Variants in NKAIN3 observed in about 807,000 individuals in gnomAD.
NKAIN3 encodes the protein sodium/potassium-transporting ATPase subunit beta-1-interacting protein 3.
In NKAIN3, 25 loss-of-function variants were observed where a neutral mutation model predicts 30.2. That is an observed-to-expected ratio of 0.83 (90% confidence interval 0.60 to 1.16). The LOEUF (loss-of-function observed/expected upper bound fraction) is 1.16, where lower values mean the gene tolerates loss of function less well. Ranked by LOEUF, NKAIN3 falls within the 50% of genes most tolerant of loss-of-function variation. The pLI, the probability that NKAIN3 is intolerant of heterozygous loss-of-function variation, is 0.00. For missense variants in NKAIN3, 225 were observed against 254.1 expected (o/e 0.89, Z 0.78); for synonymous variants, 91 against 89.6 (o/e 1.02, Z -0.09).
chr8:62,562,737 G>A (rs922203914), intron 1 of NKAIN3, among the ~76,000 whole-genome samples: 2 of 152,046 alleles, frequency 1.3e-5, no homozygotes, highest in Admixed American at 6.6e-5. Flanking sequence ...ACTTTCACAC[G>A]TACAAGGGGT....
intron 1 of NKAIN3, among the ~76,000 whole-genome samples, chr8:62,293,022 T>G (rs1196735225): frequency 6.6e-6 from 1 of 152,232 alleles, no homozygotes; most frequent in African/African-American, 2.4e-5. Context: ...TTGATCAAAT[T>G]GGCTACTGAA....
intron 4 of NKAIN3, among the ~76,000 whole-genome samples, chr8:62,834,475 A>C (rs1013479335): frequency 2.0e-5 from 3 of 152,152 alleles, no homozygotes; most frequent in Admixed American, 2.0e-4. Context: ...GAGTTCAGTA[A>C]AGTTTTAGGA....
At position 62,583,810 on chromosome 8, in the gene NKAIN3, A is replaced by T. The variant is rs77107444; in HGVS notation, c.192+4134A>T. On this transcript the variant is annotated intron_variant, in intron 2 of 6. Transcript: ENST00000623646. Reference sequence around the variant, plus strand: ...TATTGTTACCTTTATGAAGCTCCAGATTACGTCTTATTCTAATATGGGTAT... The same window carrying T: ...TATTGTTACCTTTATGAAGCTCCAGTTTACGTCTTATTCTAATATGGGTAT... Among the ~76,000 whole-genome samples the T allele has an allele frequency of 2.5e-3, 384 of 152,316 alleles. 6 individuals are homozygous for T. In the East Asian group the frequency reaches 0.043, roughly 17 times the overall value.
chr8:62,913,339 G>T (rs1244167173), intron 4 of NKAIN3, among the ~76,000 whole-genome samples: 1 of 152,194 alleles, frequency 6.6e-6, no homozygotes, highest in Non-Finnish European at 1.5e-5. Context: ...ACAAATATGT[G>T]AGTGTTGCAT....
At chr8:62,421,636 C>A (rs192341147) in intron 1 of NKAIN3, among the ~76,000 whole-genome samples, 84 of 152,078 alleles carry the variant, frequency 5.5e-4, no homozygotes, top group Non-Finnish European at 1.1e-3. Flanking sequence ...CTCTCTCTCT[C>A]TCTGTATACA....
intron 3 of NKAIN3, among the ~76,000 whole-genome samples, chr8:62,639,162 G>C (rs28407937): frequency 0.02 from 3,082 of 152,218 alleles, 88 homozygotes; most frequent in African/African-American, 0.069. Context: ...AGAATAGAAG[G>C]GGACCAATGT....
In NKAIN3 at chr8:62,965,512, T is replaced by C; in HGVS notation, c.*105T>C. 1.0e-6 allele frequency: 1 copy of C among 985,532 alleles called. No homozygotes were observed. Among genetic ancestry groups the C allele is most frequent in the Non-Finnish European group, 1.2e-6 (1 of 829,870 alleles). 61.0% of individuals were successfully genotyped at this position (985,532 alleles called of 1,614,324 possible). ...TGGCTTTCCCACGAATCATGGAGCA[T>C]TTTGGTCACAGCCTTTGTATTATTA... On this transcript the variant is annotated 3_prime_UTR_variant, in exon 7 of 7. Transcript: ENST00000623646.
chr8:62,702,161 T>C (rs1814359861), intron 3 of NKAIN3, among the ~76,000 whole-genome samples: 1 of 152,200 alleles, frequency 6.6e-6, no homozygotes, highest in Non-Finnish European at 1.5e-5. Flanking sequence ...CGGGTAAATA[T>C]ATAGTATCTA....
intron 4 of NKAIN3, among the ~76,000 whole-genome samples, chr8:62,800,920 G>A (rs1818037028): frequency 6.6e-6 from 1 of 152,206 alleles, no homozygotes; most frequent in Non-Finnish European, 1.5e-5. Flanking sequence ...CCCTAATACT[G>A]CGCTTTTCCA....
intron 1 of NKAIN3, among the ~76,000 whole-genome samples, chr8:62,374,125 A>G (rs111661519): frequency 0.13 from 19,615 of 148,120 alleles, 1,606 homozygotes; most frequent in East Asian, 0.39. Context: ...AAAAAAAAAA[A>G]AAAAAAAAAA....
At chr8:62,949,321 C>T (rs571343237) in intron 5 of NKAIN3, among the ~76,000 whole-genome samples, 14 of 152,200 alleles carry the variant, frequency 9.2e-5, no homozygotes, top group African/African-American at 3.4e-4. Context: ...ATTTGTGTGT[C>T]CCATAAACAA....
intron 4 of NKAIN3, among the ~76,000 whole-genome samples, chr8:62,768,420 T>C (rs567902689): frequency 5.3e-5 from 8 of 152,272 alleles, no homozygotes; most frequent in Non-Finnish European, 1.0e-4. Context: ...TGCTTAATGA[T>C]AAATTAGGCT....
intron 3 of NKAIN3, among the ~76,000 whole-genome samples, chr8:62,613,877 C>T (rs903741228): frequency 6.6e-6 from 1 of 152,032 alleles, no homozygotes; most frequent in African/African-American, 2.4e-5. Flanking sequence ...TTAATTATTT[C>T]AATCACTTTG....
In NKAIN3 at chr8:62,297,295, C is replaced by T. The variant is rs548553678; in HGVS notation, c.54+48168C>T. ...TTCATGTCTAAAACACCAAAAGCAA[C>T]GGCAACAAAAGCCAAAATTGACAAA... On this transcript the variant is annotated intron_variant, in intron 1 of 6. Transcript: ENST00000623646. Among the ~76,000 whole-genome samples, 1,036 of 152,046 alleles carry T rather than the reference C, an allele frequency of 6.8e-3. 4 individuals are homozygous for T. The highest frequency in any genetic ancestry group is 0.023 in the African/African-American group (937 of 41,456).
chr8:62,819,704 A>G (rs914245301), intron 4 of NKAIN3, among the ~76,000 whole-genome samples: 6 of 139,772 alleles, frequency 4.3e-5, no homozygotes, highest in East Asian at 1.9e-4. Flanking sequence ...AATTACTGGG[A>G]AAAAAAAATC....
At chr8:62,750,291 G>A (rs1816234833) in intron 4 of NKAIN3, among the ~76,000 whole-genome samples, 2 of 152,166 alleles carry the variant, frequency 1.3e-5, no homozygotes, top group South Asian at 4.1e-4. Context: ...GAATGAGAGG[G>A]AAGTATTTGA....
At chr8:62,938,089 G>A (rs1476909112) in intron 5 of NKAIN3, among the ~76,000 whole-genome samples, 5 of 152,034 alleles carry the variant, frequency 3.3e-5, no homozygotes, top group Non-Finnish European at 7.4e-5. Flanking sequence ...GCCTAACCCT[G>A]CCACCACCTA....
At chr8:62,762,232 C>A (rs1356183658) in intron 4 of NKAIN3, among the ~76,000 whole-genome samples, 8 of 151,932 alleles carry the variant, frequency 5.3e-5, no homozygotes, top group African/African-American at 1.9e-4. Flanking sequence ...AGAAGAATAG[C>A]TGGAACCCAG....
At chr8:62,464,113 T>G (rs4520152) in intron 1 of NKAIN3, among the ~76,000 whole-genome samples, 2 of 152,094 alleles carry the variant, frequency 1.3e-5, no homozygotes, top group African/African-American at 4.8e-5. Context: ...CAAATGTACC[T>G]TGATATTGTT....
Sources: gnomAD v4.1 joint callset for allele counts (sites outside exome capture counted in the v4.1 genomes callset) on GRCh38, gnomAD v4.1.1 for gene constraint, MANE v1.5 for transcripts, NCBI Gene and HGNC (gene_info 2026-07-23, HGNC 2026-07-21) for gene names.